IMMP2L: variants seen among roughly 807,000 people sequenced by gnomAD.
IMMP2L encodes mitochondrial inner membrane protease subunit 2.
Under a neutral mutation model 19.3 loss-of-function variants are expected in IMMP2L, and 18 were observed. That is an observed-to-expected ratio of 0.93 (90% CI 0.64 to 1.38). The LOEUF (loss-of-function observed/expected upper bound fraction) is 1.38, where lower values mean the gene tolerates loss of function less well. Among genes scored for constraint, IMMP2L ranks in the 40% most tolerant of loss-of-function variants. The probability of loss-of-function intolerance (pLI) is 0.00; values close to 1 mark genes in which losing one functional copy is unlikely to be tolerated. For missense variants in IMMP2L, 233 were observed against 218.2 expected, an observed-to-expected ratio of 1.07 and a Z score of -0.43; for synonymous variants, 76 against 73.0, an observed-to-expected ratio of 1.04 and a Z score of -0.21.
intron 3 of IMMP2L, among the ~76,000 whole-genome samples, chr7:111,071,983 C>G (rs888962462): frequency 2.0e-5 from 3 of 151,822 alleles, no homozygotes; most frequent in Non-Finnish European, 2.9e-5. Context: ...AATGAGGGGT[C>G]ATGACAAATG....
chr7:111,390,137 C>A (rs1387237902), intron 3 of IMMP2L, among the ~76,000 whole-genome samples: 1 of 152,172 alleles, frequency 6.6e-6, no homozygotes, highest in East Asian at 1.9e-4. Context: ...TAGACAGCCG[C>A]CAGGTCAGTA....
intron 4 of IMMP2L, among the ~76,000 whole-genome samples, chr7:110,957,912 G>A (rs1818530234): frequency 6.6e-6 from 1 of 151,784 alleles, no homozygotes; most frequent in East Asian, 1.9e-4. Context: ...CCATGACATT[G>A]CATTATGTGT....
At chr7:111,318,847 A>G (rs960906585) in intron 3 of IMMP2L, among the ~76,000 whole-genome samples, 3 of 152,148 alleles carry the variant, frequency 2.0e-5, no homozygotes, top group African/African-American at 4.8e-5. Context: ...CTTCATTTCA[A>G]TTAACAAGCT....
intron 3 of IMMP2L, among the ~76,000 whole-genome samples, chr7:111,237,770 C>A (rs899565759): frequency 1.3e-5 from 2 of 151,822 alleles, no homozygotes; most frequent in African/African-American, 4.8e-5. Flanking sequence ...GATCTAGAGG[C>A]TTTATTCAGA....
intron 5 of IMMP2L, among the ~76,000 whole-genome samples, chr7:110,865,898 T>TA (rs1807934667): frequency 6.6e-6 from 1 of 152,012 alleles, no homozygotes. Context: ...AAGTATAGGC[T>TA]AAAAATTGAT....
At chr7:111,214,695 A>G (rs1811745904) in intron 3 of IMMP2L, among the ~76,000 whole-genome samples, 1 of 149,352 alleles carries the variant, frequency 6.7e-6, no homozygotes, top group Non-Finnish European at 1.5e-5. Flanking sequence ...TAAATAAAAT[A>G]TATGATATTA....
Position 110,963,518 on chromosome 7 carries a change from A to T in IMMP2L, c.287T>A (p.Leu96His). The change falls in exon 4 of 6, where the codon CTT becomes CAT. Residue 96 changes from leucine (L) to histidine (H), a missense_variant. Leu to His is a moderately conservative substitution (Grantham distance 99, BLOSUM62 -3). Transcript: ENST00000405709. ...TACTTACCTGACAATATCTCCTTCA[A>T]GAGCAATCACTCTCTTAATGATCTT... The part of the protein sequence containing the change: ...EQKIIKRVIA[L>H]EGDIVRTIGH... The T allele has an allele frequency of 6.2e-7, 1 of 1,603,362 alleles. No individual in the cohort carries two copies. Among genetic ancestry groups the T allele is most frequent in the African/African-American group, 1.3e-5 (1 of 74,586 alleles).
intron 3 of IMMP2L, among the ~76,000 whole-genome samples, chr7:110,977,569 G>C (rs988225588): frequency 6.6e-6 from 1 of 151,904 alleles, no homozygotes; most frequent in Non-Finnish European, 1.5e-5. Flanking sequence ...TAACATTTCT[G>C]TGAAGTCTGT....
At chr7:111,522,699 T>C (rs1425661077) in intron 1 of IMMP2L, among the ~76,000 whole-genome samples, 1 of 151,994 alleles carries the variant, frequency 6.6e-6, no homozygotes, top group Admixed American at 6.6e-5. Context: ...TGTAAATTAA[T>C]ATGGCCATTA....
intron 5 of IMMP2L, among the ~76,000 whole-genome samples, chr7:110,755,222 G>A (rs1281132368): frequency 6.6e-6 from 1 of 151,752 alleles, no homozygotes; most frequent in Admixed American, 6.6e-5. Flanking sequence ...ATTCATTTAG[G>A]TATATTTAGT....
intron 4 of IMMP2L, among the ~76,000 whole-genome samples, chr7:110,891,372 G>A (rs975685203): frequency 1.1e-4 from 16 of 152,242 alleles, no homozygotes; most frequent in Non-Finnish European, 1.6e-4. Flanking sequence ...ACTAAGGTTC[G>A]AATTCACACT....
intron 2 of IMMP2L, chr7:111,492,401 C>T (rs1225462566): frequency 1.0e-6 from 1 of 984,110 alleles, no homozygotes; most frequent in Non-Finnish European, 1.2e-6. Context: ...TTCTAACCCG[C>T]TCTTTGGATG....
chr7:110,854,253 T>C (rs564434956), intron 5 of IMMP2L, among the ~76,000 whole-genome samples: 1 of 151,996 alleles, frequency 6.6e-6, no homozygotes, highest in South Asian at 2.1e-4. Flanking sequence ...TTTTCTGACT[T>C]GTTTTATATA....
chr7:111,317,861 T>C (rs1338927262), intron 3 of IMMP2L, among the ~76,000 whole-genome samples: 1 of 152,164 alleles, frequency 6.6e-6, no homozygotes, highest in African/African-American at 2.4e-5. Flanking sequence ...TAGAGTTAAG[T>C]GAAACTTTGA....
intron 1 of IMMP2L, among the ~76,000 whole-genome samples, chr7:111,527,494 G>A (rs1846989701): frequency 6.7e-6 from 1 of 148,818 alleles, no homozygotes; most frequent in Non-Finnish European, 1.5e-5. Context: ...ACTTTTTATT[G>A]TCTTTTAACT....
intron 3 of IMMP2L, among the ~76,000 whole-genome samples, chr7:111,367,316 C>A (rs1049871630): frequency 4.6e-5 from 7 of 151,758 alleles, no homozygotes; most frequent in African/African-American, 1.7e-4. Flanking sequence ...CCTCACAATG[C>A]AAGCACAAAA....
chr7:111,447,729 G>A (rs578177732), intron 3 of IMMP2L, among the ~76,000 whole-genome samples: 3,028 of 151,384 alleles, frequency 0.02, 99 homozygotes, highest in African/African-American at 0.07. Flanking sequence ...AATGTAAATG[G>A]ACTAAATTCT....
chr7:111,191,292 C>T (rs1263940631), intron 3 of IMMP2L, among the ~76,000 whole-genome samples: 1 of 152,028 alleles, frequency 6.6e-6, no homozygotes, highest in Non-Finnish European at 1.5e-5. Flanking sequence ...TTAACTATTT[C>T]ATTTAGCCTC....
At chr7:111,251,031 C>G (rs1400306404) in intron 3 of IMMP2L, among the ~76,000 whole-genome samples, 1 of 152,084 alleles carries the variant, frequency 6.6e-6, no homozygotes, top group Non-Finnish European at 1.5e-5. Context: ...TATTCAGAGT[C>G]TACAAGAAAC....
Sources: gnomAD v4.1 joint callset for allele counts (sites outside exome capture counted in the v4.1 genomes callset) on GRCh38, gnomAD v4.1.1 for gene constraint, MANE v1.5 for transcripts, NCBI Gene and HGNC (gene_info 2026-07-23, HGNC 2026-07-21) for gene names.